Variants in ADCY8 observed in about 807,000 individuals in gnomAD.
ADCY8 encodes the protein adenylate cyclase 8, also known as adenylate cyclase type 8.
ADCY8 carries 51 observed loss-of-function variants against 119.7 expected under a neutral mutation model. The ratio of observed to expected loss-of-function variants is 0.43; its 90% CI spans 0.34 to 0.54. The LOEUF is 0.54. Ranked by LOEUF, ADCY8 falls within the 20% of genes least tolerant of loss-of-function variation. ADCY8 has a pLI of 0.03. For synonymous variants in ADCY8, 665 were observed against 651.0 expected (o/e 1.02, Z -0.33); for missense variants, 1,383 against 1,598.8 (o/e 0.87, Z 2.30).
chr8:130,867,729 A>T (rs1014158419), intron 9 of ADCY8, 117 bp downstream of exon 9: 2 of 586,572 alleles, frequency 3.4e-6, no homozygotes, highest in Non-Finnish European at 5.8e-6. Context: ...ACATTTTGGT[A>T]TGCGTCCTGG....
intron 2 of ADCY8, among the ~76,000 whole-genome samples, chr8:130,967,032 G>T (rs1821783102): frequency 6.6e-6 from 1 of 152,060 alleles, no homozygotes; most frequent in South Asian, 2.1e-4. Flanking sequence ...AAAGACAATT[G>T]TGCTACACAG....
intron 1 of ADCY8, among the ~76,000 whole-genome samples, chr8:130,992,416 T>TG (rs762268345): frequency 7.8e-6 from 1 of 127,542 alleles, no homozygotes; most frequent in African/African-American, 3.3e-5. Context: ...TATATATATA[T>TG]ATATATATAT....
intron 17 of ADCY8, among the ~76,000 whole-genome samples, chr8:130,782,549 AG>A (rs1214418345): frequency 6.6e-6 from 1 of 152,212 alleles, no homozygotes; most frequent in Non-Finnish European, 1.5e-5. Context: ...TGTCATGGCA[AG>A]GGTTGACCCT....
chr8:130,830,330 C>A (rs1418495669), intron 12 of ADCY8, among the ~76,000 whole-genome samples: 1 of 152,086 alleles, frequency 6.6e-6, no homozygotes, highest in South Asian at 2.1e-4. Context: ...AAGATGGCAC[C>A]AGTCAACTGG....
chr8:130,866,394 C>A (rs1818124155), intron 9 of ADCY8, among the ~76,000 whole-genome samples: 1 of 152,140 alleles, frequency 6.6e-6, no homozygotes, highest in Admixed American at 6.5e-5. Context: ...CCCCTTCTCA[C>A]CCTCAGAATC....
In ADCY8 at chr8:130,893,880, G is replaced by T. The variant is rs114786751; in HGVS notation, c.1912-9119C>A. 9.2e-3 allele frequency among the ~76,000 whole-genome samples: 1,364 copies of T among 147,956 alleles called. 17 individuals are homozygous for T. Among genetic ancestry groups the T allele is most frequent in the African/African-American group, 0.035 (1,308 of 37,890 alleles). ...GGTGTGCATGTTTATGTGTGTGTTT[G>T]CGGGTGTGCATGTTTGTGTGTGTGG... On this transcript the variant is annotated intron_variant, in intron 7 of 17. Transcript: ENST00000286355.
chr8:130,793,397 C>T (rs1415301473), intron 15 of ADCY8, among the ~76,000 whole-genome samples: 1 of 152,110 alleles, frequency 6.6e-6, no homozygotes, highest in Non-Finnish European at 1.5e-5. Flanking sequence ...TAATTGCACC[C>T]CTCCCTCCAA....
intron 1 of ADCY8, among the ~76,000 whole-genome samples, chr8:131,003,540 T>C (rs1304835265): frequency 6.6e-6 from 1 of 152,194 alleles, no homozygotes; most frequent in Non-Finnish European, 1.5e-5. Flanking sequence ...AGAAGGGGAC[T>C]TGGGGGAACG....
chr8:131,037,251 T>C (rs1824184966), intron 1 of ADCY8, among the ~76,000 whole-genome samples: 1 of 152,224 alleles, frequency 6.6e-6, no homozygotes, highest in Admixed American at 6.5e-5. Flanking sequence ...TTAGTTTACA[T>C]GCATCAGGAC....
At chr8:130,886,412 T>C (rs905517363) in intron 7 of ADCY8, among the ~76,000 whole-genome samples, 2 of 152,020 alleles carry the variant, frequency 1.3e-5, no homozygotes, top group African/African-American at 2.4e-5. Context: ...TTCTGGAGAA[T>C]TGAAAAGCAG....
At chr8:131,030,375 C>T (rs1044779248) in intron 1 of ADCY8, among the ~76,000 whole-genome samples, 4 of 152,182 alleles carry the variant, frequency 2.6e-5, no homozygotes, top group African/African-American at 9.7e-5. Flanking sequence ...TTTTCTTCAC[C>T]AGGGAGGAAG....
intron 1 of ADCY8, among the ~76,000 whole-genome samples, chr8:131,035,357 G>A (rs928910635): frequency 2.0e-5 from 3 of 152,156 alleles, no homozygotes; most frequent in African/African-American, 2.4e-5. Context: ...TCCAGATGCA[G>A]AAAACATATG....
chr8:131,003,219 C>CACACACAA (rs2130766133), intron 1 of ADCY8, among the ~76,000 whole-genome samples: 1 of 151,852 alleles, frequency 6.6e-6, no homozygotes, highest in South Asian at 2.1e-4. Context: ...CACACACACA[C>CACACACAA]ACACACACAC....
rs1317325079 is a variant in ADCY8 at position 131,040,466 on chromosome 8, G to T, written c.-133C>A. The T allele has an allele frequency of 3.4e-6, 4 of 1,178,278 alleles. No homozygotes were observed. Among genetic ancestry groups the T allele is most frequent in the African/African-American group, 3.2e-5 (2 of 62,220 alleles). The allele number at this position is 1,178,278 out of a possible 1,614,324, so 73.0% of individuals were successfully genotyped here. On this transcript the variant is annotated 5_prime_UTR_variant, in exon 1 of 18. Coordinates refer to ENST00000286355, the MANE Select transcript of ADCY8 (RefSeq NM_001115.3). ...TATCCTAGGCTGCCCCGTTGCAGGAGCCCTGCGCTAGGGCTCCCTGTAGGT... is the reference window on the plus strand; with the variant it reads ...TATCCTAGGCTGCCCCGTTGCAGGATCCCTGCGCTAGGGCTCCCTGTAGGT...
intron 15 of ADCY8, among the ~76,000 whole-genome samples, chr8:130,798,555 C>A (rs1284775282): frequency 1.3e-5 from 2 of 152,088 alleles, no homozygotes; most frequent in Non-Finnish European, 2.9e-5. Flanking sequence ...ACAGTGAGTG[C>A]AAGACCTACT....
intron 11 of ADCY8, among the ~76,000 whole-genome samples, chr8:130,838,091 C>T (rs1047330849): frequency 6.6e-6 from 1 of 152,176 alleles, no homozygotes; most frequent in African/African-American, 2.4e-5. Context: ...CCAAAAATGT[C>T]TAAGTAATTA....
chr8:130,941,348 G>A (rs754121973), intron 4 of ADCY8, among the ~76,000 whole-genome samples: 1 of 152,154 alleles, frequency 6.6e-6, no homozygotes, highest in Non-Finnish European at 1.5e-5. Context: ...TGTCTTTTCA[G>A]TCTTGCGCAG....
intron 9 of ADCY8, among the ~76,000 whole-genome samples, chr8:130,857,072 A>C (rs1817762810): frequency 7.3e-6 from 1 of 137,268 alleles, no homozygotes; most frequent in Non-Finnish European, 1.6e-5. Context: ...TGCAGGGCAC[A>C]CCAAAAGCCC....
intron 1 of ADCY8, among the ~76,000 whole-genome samples, chr8:131,011,872 G>C (rs993714550): frequency 6.6e-6 from 1 of 152,156 alleles, no homozygotes; most frequent in Non-Finnish European, 1.5e-5. Context: ...CCATCTTGCA[G>C]TCAATACTCC....
Sources: allele counts gnomAD v4.1 joint callset (sites outside exome capture counted in the v4.1 genomes callset), GRCh38; gene constraint gnomAD v4.1.1; transcripts MANE v1.5; gene names NCBI Gene and HGNC (gene_info 2026-07-23, HGNC 2026-07-21).